The following SLC5A4 variants were observed in gnomAD, a reference collection of about 807,000 sequenced individuals.
SLC5A4 encodes the protein probable glucose sensor protein SLC5A4.
In SLC5A4, 55 loss-of-function variants were observed where a neutral mutation model predicts 70.3. The observed-to-expected ratio is 0.78, with a 90% CI of 0.63 to 0.98. The LOEUF is 0.98. Ranked by LOEUF, SLC5A4 falls within the 50% of genes least tolerant of loss-of-function variation. The pLI is 0.00. For synonymous variants in SLC5A4, 268 were observed against 305.7 expected, an observed-to-expected ratio of 0.88 and a Z score of 1.29; for missense variants, 735 against 839.2, an observed-to-expected ratio of 0.88 and a Z score of 1.53.
intron 11 of SLC5A4, among the ~76,000 whole-genome samples, chr22:32,226,469 ATCTC>A (rs564429257): frequency 3.3e-5 from 5 of 152,212 alleles, no homozygotes; most frequent in Non-Finnish European, 7.3e-5. Flanking sequence ...AAGGCCATTC[ATCTC>A]TCTCTGCTCA....
intron 9 of SLC5A4, 106 bp from the exon 10 acceptor site, chr22:32,231,181 G>T: frequency 1.4e-6 from 1 of 721,774 alleles, no homozygotes; most frequent in Non-Finnish European, 2.5e-6. Context: ...AAAGACATTT[G>T]CCTGGAAACT....
At chr22:32,310,651 C>T in the SLC5A4 span, among the ~76,000 whole-genome samples, 4 of 152,212 alleles carry the variant, frequency 2.6e-5, no homozygotes, top group African/African-American at 7.2e-5. Flanking sequence ...CTGGAGGAGA[C>T]AGCTGGACCC....
chr22:32,326,270 A>ATT, the SLC5A4 span, among the ~76,000 whole-genome samples: 11,396 of 135,260 alleles, frequency 0.084, 910 homozygotes, highest in African/African-American at 0.2. Flanking sequence ...GCCTTCACGT[A>ATT]TTTTTTTTTT....
the SLC5A4 span, among the ~76,000 whole-genome samples, chr22:32,337,587 TCA>T: frequency 1.3e-5 from 2 of 152,172 alleles, no homozygotes; most frequent in Admixed American, 6.5e-5. Flanking sequence ...ACAGTAGTGT[TCA>T]CAGACCACTG....
rs114707642 is a variant in SLC5A4 at position 32,238,080 on chromosome 22, G to A, written c.584-756C>T. Among the ~76,000 whole-genome samples the A allele has an allele frequency of 1.2e-3, 189 of 152,204 alleles. 2 individuals are homozygous for A. Among genetic ancestry groups the A allele is most frequent in the African/African-American group, 4.4e-3 (182 of 41,516 alleles). ...TACACCTATGCCGGTAACAGGAACTGTTGGAAGACATTATCATGAAGACTG... is the reference window on the plus strand; with the variant it reads ...TACACCTATGCCGGTAACAGGAACTATTGGAAGACATTATCATGAAGACTG... On this transcript the variant is annotated intron_variant, in intron 6 of 14. Coordinates refer to ENST00000266086, the MANE Select transcript of SLC5A4 (RefSeq NM_014227.3).
chr22:32,305,212 ATCT>A, the SLC5A4 span, among the ~76,000 whole-genome samples: 2 of 147,258 alleles, frequency 1.4e-5, no homozygotes, highest in African/African-American at 5.0e-5. Flanking sequence ...ATTTTCCTGT[ATCT>A]TTTTTTTATG....
the SLC5A4 span, among the ~76,000 whole-genome samples, chr22:32,331,107 T>G: frequency 2.4e-5 from 3 of 123,960 alleles, no homozygotes; most frequent in Admixed American, 8.4e-5. Context: ...TGTTGGAGGC[T>G]CTTGTGTGTG....
chr22:32,219,375 T>A (rs2123855666), intron 14 of SLC5A4, among the ~76,000 whole-genome samples: 1 of 152,272 alleles, frequency 6.6e-6, no homozygotes, highest in Admixed American at 6.5e-5. Flanking sequence ...CTCATGTATA[T>A]GGCTATCTGT....
chr22:32,301,171 C>T, the SLC5A4 span, among the ~76,000 whole-genome samples: 2 of 152,138 alleles, frequency 1.3e-5, no homozygotes, highest in African/African-American at 2.4e-5. Flanking sequence ...CCATCTTGAC[C>T]AGTCTGATCT....
At chr22:32,334,827 T>G in the SLC5A4 span, among the ~76,000 whole-genome samples, 8 of 152,150 alleles carry the variant, frequency 5.3e-5, no homozygotes. Context: ...GACATGTCCC[T>G]TAGAAACAAG....
At chr22:32,293,493 C>A in the SLC5A4 span, among the ~76,000 whole-genome samples, 2 of 151,986 alleles carry the variant, frequency 1.3e-5, no homozygotes, top group Non-Finnish European at 2.9e-5. Context: ...AAAATGCATC[C>A]GTAACATAAT....
chr22:32,252,940 C>T (rs1487511858), intron 2 of SLC5A4, among the ~76,000 whole-genome samples: 1 of 152,164 alleles, frequency 6.6e-6, no homozygotes, highest in Non-Finnish European at 1.5e-5. Flanking sequence ...TTTAAGGCCT[C>T]TGTAAAATCA....
chr22:32,279,236 G>A, the SLC5A4 span, among the ~76,000 whole-genome samples: 2 of 152,238 alleles, frequency 1.3e-5, no homozygotes, highest in Non-Finnish European at 2.9e-5. Flanking sequence ...AGATTGCGCC[G>A]CTGCATTCCA....
chr22:32,353,671 T>C, the SLC5A4 span, among the ~76,000 whole-genome samples: 10 of 150,522 alleles, frequency 6.6e-5, no homozygotes, highest in Non-Finnish European at 1.5e-4. Flanking sequence ...CCACCGGCAG[T>C]GTAGCATCCA....
chr22:32,343,320 A>G, the SLC5A4 span, among the ~76,000 whole-genome samples: 1 of 152,212 alleles, frequency 6.6e-6, no homozygotes, highest in South Asian at 2.1e-4. Flanking sequence ...TGCTAACCTG[A>G]CAGAAAAGGA....
the SLC5A4 span, among the ~76,000 whole-genome samples, chr22:32,330,115 T>C: frequency 7.7e-6 from 1 of 129,082 alleles, no homozygotes; most frequent in Non-Finnish European, 1.6e-5. Flanking sequence ...GGTATGTGTG[T>C]TGGAGGCTCT....
At chr22:32,307,059 C>G in the SLC5A4 span, among the ~76,000 whole-genome samples, 1 of 152,088 alleles carries the variant, frequency 6.6e-6, no homozygotes, top group Non-Finnish European at 1.5e-5. Flanking sequence ...AACAGGGTAC[C>G]TCATTGTACC....
chr22:32,324,299 A>G, the SLC5A4 span, among the ~76,000 whole-genome samples: 2 of 149,872 alleles, frequency 1.3e-5, no homozygotes, highest in Non-Finnish European at 3.0e-5. Context: ...ATACGTATAT[A>G]TACTAGATTC....
chr22:32,287,571 A>C, the SLC5A4 span, among the ~76,000 whole-genome samples: 59 of 152,258 alleles, frequency 3.9e-4, no homozygotes, highest in East Asian at 7.7e-4. Flanking sequence ...GACCAAGAAG[A>C]AGCAGGTGTA....
Sources: allele counts gnomAD v4.1 joint callset (sites outside exome capture counted in the v4.1 genomes callset), GRCh38; gene constraint gnomAD v4.1.1; transcripts MANE v1.5; gene names NCBI Gene and HGNC (gene_info 2026-07-23, HGNC 2026-07-21).